The following SLC44A5 variants were observed in gnomAD, a reference collection of about 807,000 sequenced individuals.
SLC44A5 encodes the protein choline transporter-like protein 5.
Under a neutral mutation model 101.8 loss-of-function variants are expected in SLC44A5, and 57 were observed. The ratio of observed to expected loss-of-function variants is 0.56; its 90% CI spans 0.45 to 0.70. The LOEUF is 0.70. SLC44A5 is among the 30% of genes least tolerant of loss of function. The probability of loss-of-function intolerance (pLI) is 0.00; values close to 1 mark genes in which losing one functional copy is unlikely to be tolerated. For missense variants in SLC44A5, 737 were observed against 853.1 expected (o/e 0.86, Z 1.70); for synonymous variants, 281 against 290.9 (o/e 0.97, Z 0.35).
intron 1 of SLC44A5, among the ~76,000 whole-genome samples, chr1:75,575,475 C>G (rs1673308773): frequency 1.3e-5 from 2 of 152,132 alleles, no homozygotes; most frequent in South Asian, 4.1e-4. Context: ...AATGGTATGT[C>G]AGCCATTCAC....
intron 17 of SLC44A5, 110 bp downstream of exon 17, chr1:75,218,380 A>C (rs1647005403): frequency 7.1e-7 from 1 of 1,406,012 alleles, no homozygotes; most frequent in Non-Finnish European, 9.7e-7. Context: ...TTTGATTCAT[A>C]CCTTTGATTT....
chr1:75,637,231 T>C, the SLC44A5 span, among the ~76,000 whole-genome samples: 1 of 152,022 alleles, frequency 6.6e-6, no homozygotes, highest in Non-Finnish European at 1.5e-5. Flanking sequence ...TGCAGCACTA[T>C]TCACAGTAGC....
In SLC44A5 at chr1:75,203,514, A is replaced by C. The variant is rs576740775; in HGVS notation, c.*213T>G. 1 of 394,094 alleles carries C rather than the reference A, an allele frequency of 2.5e-6. No individual in the cohort carries two copies. Among genetic ancestry groups the C allele is most frequent in the Admixed American group, 4.6e-5 (1 of 21,902 alleles). 24.4% of individuals were successfully genotyped at this position (394,094 alleles called of 1,614,324 possible). On this transcript the variant is annotated 3_prime_UTR_variant, in exon 24 of 24. Transcript: ENST00000370859. ...GAATTACAAAACAAATGATCTTAGT[A>C]TAAAAATGTTTTATGTTATTAACAA... is the stretch of plus-strand genomic sequence containing the variant.
chr1:75,631,828 C>A, the SLC44A5 span, among the ~76,000 whole-genome samples: 2 of 151,946 alleles, frequency 1.3e-5, no homozygotes, highest in African/African-American at 4.8e-5. Flanking sequence ...TGAGCCACTG[C>A]GCCCAGCCAA....
At chr1:75,536,045 G>GAA (rs201274280) in intron 2 of SLC44A5, among the ~76,000 whole-genome samples, 53 of 105,592 alleles carry the variant, frequency 5.0e-4, no homozygotes, top group African/African-American at 1.2e-3. Flanking sequence ...TTCGTCTCTT[G>GAA]AAAAAAAAAA....
rs1647052025 is a variant in SLC44A5 at position 75,220,320 on chromosome 1, T to C, written c.1086-428A>G. 2.0e-5 allele frequency among the ~76,000 whole-genome samples: 3 copies of C among 152,136 alleles called. No homozygotes were observed. In the South Asian group the frequency reaches 6.2e-4, roughly 32 times the overall value. On this transcript the variant is annotated intron_variant, in intron 14 of 23. Transcript: ENST00000370859. ...ACCCTTCGGTGAACACATTGAGTGA[T>C]GGGTACTTACTTTTACATGACATGG...
the SLC44A5 span, among the ~76,000 whole-genome samples, chr1:75,616,633 G>T: frequency 6.6e-6 from 1 of 152,204 alleles, no homozygotes; most frequent in Non-Finnish European, 1.5e-5. Flanking sequence ...AATTCCACGC[G>T]GGCGATGAGC....
intron 1 of SLC44A5, among the ~76,000 whole-genome samples, chr1:75,584,907 A>G (rs1454986599): frequency 6.6e-6 from 1 of 152,138 alleles, no homozygotes; most frequent in Non-Finnish European, 1.5e-5. Flanking sequence ...GGGTTTTTAC[A>G]ATTTCTAAGT....
At chr1:75,649,814 TGGAGCA>T in the SLC44A5 span, among the ~76,000 whole-genome samples, 1 of 152,306 alleles carries the variant, frequency 6.6e-6, no homozygotes, top group African/African-American at 2.4e-5. Context: ...TCACCTATTC[TGGAGCA>T]GAGGTGTATG....
chr1:75,444,186 G>A (rs929935923), intron 2 of SLC44A5, among the ~76,000 whole-genome samples: 8 of 151,706 alleles, frequency 5.3e-5, no homozygotes, highest in African/African-American at 7.3e-5. Flanking sequence ...GCATGGTGAC[G>A]CATAGCTGTA....
chr1:75,682,718 C>G, the SLC44A5 span, among the ~76,000 whole-genome samples: 1 of 150,378 alleles, frequency 6.6e-6, no homozygotes, highest in African/African-American at 2.5e-5. Context: ...GTCTAAAACA[C>G]CAAAAGCAAT....
chr1:75,396,466 T>A, intron 3 of SLC44A5, 117 bp downstream of exon 3: 1 of 887,288 alleles, frequency 1.1e-6, no homozygotes, highest in East Asian at 2.4e-5. Flanking sequence ...CAGTCAGCAA[T>A]TATTCTTTAC....
chr1:75,488,021 C>A (rs1668241994), intron 2 of SLC44A5, among the ~76,000 whole-genome samples: 1 of 151,674 alleles, frequency 6.6e-6, no homozygotes, highest in South Asian at 2.1e-4. Flanking sequence ...TGCAGGGGAT[C>A]TACGTTGTAT....
intron 3 of SLC44A5, among the ~76,000 whole-genome samples, chr1:75,358,503 T>C (rs10874199): frequency 0.25 from 37,968 of 152,046 alleles, 5,899 homozygotes; most frequent in East Asian, 0.77. Flanking sequence ...GATGATTTGA[T>C]ATACATTGTG....
chr1:75,205,864 T>G (rs374389925), intron 23 of SLC44A5: 1 of 152,208 alleles, frequency 6.6e-6, no homozygotes, highest in South Asian at 2.1e-4. Flanking sequence ...GCATGAGTTA[T>G]GTAACAATTT....
At chr1:75,464,771 A>G (rs991460007) in intron 2 of SLC44A5, among the ~76,000 whole-genome samples, 7 of 152,204 alleles carry the variant, frequency 4.6e-5, no homozygotes, top group Non-Finnish European at 7.4e-5. Flanking sequence ...GACAAAAACT[A>G]TATGAAGAGA....
intron 6 of SLC44A5, among the ~76,000 whole-genome samples, chr1:75,258,253 C>T (rs1309685219): frequency 6.6e-6 from 1 of 152,058 alleles, no homozygotes; most frequent in Non-Finnish European, 1.5e-5. Flanking sequence ...CTTGGCAGTT[C>T]CCACAACCAC....
At chr1:75,681,635 A>T in the SLC44A5 span, among the ~76,000 whole-genome samples, 1 of 150,116 alleles carries the variant, frequency 6.7e-6, no homozygotes, top group South Asian at 2.1e-4. Flanking sequence ...TCTATGACAA[A>T]CCCACGGCCA....
chr1:75,322,182 C>T (rs943315287), intron 4 of SLC44A5, among the ~76,000 whole-genome samples: 2 of 152,064 alleles, frequency 1.3e-5, no homozygotes, highest in East Asian at 1.9e-4. Context: ...TGTGGTGGCA[C>T]ATGCCTGTAG....
Sources: allele counts gnomAD v4.1 joint callset (sites outside exome capture counted in the v4.1 genomes callset), GRCh38; gene constraint gnomAD v4.1.1; transcripts MANE v1.5; gene names NCBI Gene and HGNC (gene_info 2026-07-23, HGNC 2026-07-21).